The following NUP214 variants were observed in gnomAD, a reference collection of about 807,000 sequenced individuals.
NUP214 encodes the protein nuclear pore complex protein Nup214.
Under a neutral mutation model 196.2 loss-of-function variants are expected in NUP214, and 79 were observed. The observed-to-expected ratio is 0.40, with a 90% CI of 0.34 to 0.49. The LOEUF is 0.49. Among genes scored for constraint, NUP214 ranks in the 20% least tolerant of loss-of-function variants. NUP214 has a pLI of 0.58. For synonymous variants in NUP214, 1,020 were observed against 990.5 expected, an observed-to-expected ratio of 1.03 and a Z score of -0.56; for missense variants, 2,468 against 2,539.0, an observed-to-expected ratio of 0.97 and a Z score of 0.60.
At chr9:131,162,114 C>T (rs922994331) in intron 18 of NUP214, among the ~76,000 whole-genome samples, 3 of 152,130 alleles carry the variant, frequency 2.0e-5, no homozygotes, top group South Asian at 2.1e-4. Flanking sequence ...ATTAGACACC[C>T]CTGCTGTACA....
intron 1 of NUP214, 76 bp from the exon 2 acceptor site, chr9:131,127,448 A>T: frequency 8.5e-7 from 1 of 1,171,356 alleles, no homozygotes; most frequent in Non-Finnish European, 1.2e-6. Flanking sequence ...GTTGTACTGA[A>T]ATTGGGTCTA....
intron 31 of NUP214, among the ~76,000 whole-genome samples, chr9:131,220,703 T>C (rs1371272903): frequency 6.6e-6 from 1 of 152,208 alleles, no homozygotes; most frequent in Non-Finnish European, 1.5e-5. Context: ...GTTCTGTGTG[T>C]GGGGAAACTG....
At position 131,197,805 on chromosome 9, in the gene NUP214, T is replaced by A. The variant is rs1833834312; in HGVS notation, c.4311T>A (p.Thr1437=). 4 of 1,613,866 alleles carry A rather than the reference T, an allele frequency of 2.5e-6. No individual in the cohort carries two copies. Among genetic ancestry groups the A allele is most frequent in the South Asian group, 1.1e-5 (1 of 91,084 alleles). ...FGGTSLSAGK[T]SFSFGSQQTN... ...GGACATCTCTAAGTGCTGGCAAGAC[T>A]AGTTTTTCATTTGGAAGCCAACAGA... The change falls in exon 29 of 36, where the codon ACT becomes ACA. Residue 1437 remains threonine, a synonymous_variant. Coordinates refer to ENST00000359428, the MANE Select transcript of NUP214 (RefSeq NM_005085.4).
At chr9:131,195,433 G>T (rs1037779552) in intron 28 of NUP214, 139 bp downstream of exon 28, 1 of 625,300 alleles carries the variant, frequency 1.6e-6, no homozygotes, top group Non-Finnish European at 2.9e-6. Flanking sequence ...TTGATAATGT[G>T]CATTAGAAAT....
intron 26 of NUP214, chr9:131,190,260 A>G: frequency 2.0e-6 from 1 of 489,316 alleles, no homozygotes; most frequent in Non-Finnish European, 3.6e-6. Flanking sequence ...AGTATTTTAC[A>G]AAAAGGTTTT....
At chr9:131,143,075 T>C (rs986028964) in intron 11 of NUP214, among the ~76,000 whole-genome samples, 1 of 152,176 alleles carries the variant, frequency 6.6e-6, no homozygotes, top group Non-Finnish European at 1.5e-5. Flanking sequence ...GGCAGGATCT[T>C]GGCTCACTGC....
In NUP214 at chr9:131,223,210, A is replaced by C. The variant is rs1007025795; in HGVS notation, c.5902+280A>C. Among the ~76,000 whole-genome samples the C allele has an allele frequency of 3.3e-5, 5 of 151,426 alleles. No individual in the cohort carries two copies. In the South Asian group the frequency reaches 1.0e-3, roughly 32 times the overall value. On this transcript the variant is annotated intron_variant, in intron 32 of 35. Coordinates refer to ENST00000359428, the MANE Select transcript of NUP214 (RefSeq NM_005085.4). ...TGAGAGGGAGTCTCAATCTGTCGCCAGGCTGGAGTGCAATGGTGCGATCTC... is the reference window on the plus strand; with the variant it reads ...TGAGAGGGAGTCTCAATCTGTCGCCCGGCTGGAGTGCAATGGTGCGATCTC...
intron 32 of NUP214, among the ~76,000 whole-genome samples, chr9:131,225,574 A>G (rs1245235119): frequency 6.6e-6 from 1 of 152,256 alleles, no homozygotes; most frequent in African/African-American, 2.4e-5. Flanking sequence ...ACATAAGATG[A>G]GTGAACTAGT....
At chr9:131,229,380 AC>A (rs1025502208) in intron 33 of NUP214, 1 of 190,646 alleles carries the variant, frequency 5.2e-6, no homozygotes, top group African/African-American at 2.4e-5. Context: ...ACAGTTAGAG[AC>A]CCACTTAGGC....
At chr9:131,195,177 G>A (rs1833738527) in intron 27 of NUP214, 56 bp from the exon 28 acceptor site, 2 of 1,202,264 alleles carry the variant, frequency 1.7e-6, no homozygotes, top group East Asian at 2.3e-5. Context: ...AATATTAAGA[G>A]GGCAATATTG....
intron 27 of NUP214, among the ~76,000 whole-genome samples, chr9:131,195,014 A>G (rs1833734521): frequency 6.6e-6 from 1 of 152,208 alleles, no homozygotes; most frequent in Non-Finnish European, 1.5e-5. Context: ...CTCAACTGCT[A>G]TCCCTGTCGT....
rs759385463 is a variant in NUP214, at chr9:131,197,270, G to A, written c.3776G>A (p.Gly1259Glu). 1 of 1,614,112 alleles carries A rather than the reference G, an allele frequency of 6.2e-7. No homozygotes were observed. The highest frequency in any genetic ancestry group is 8.5e-7 in the Non-Finnish European group (1 of 1,180,010). Residue 1259 changes from glycine (G) to glutamate (E), a missense_variant, in exon 29 of 36, where the codon GGG becomes GAG. Physicochemically the swap from Gly to Glu is moderately conservative, Grantham distance 98 (BLOSUM62 -2). This residue lies in a region of NUP214 where 1,801 missense variants were observed against 1,779.4 expected (regional missense o/e 1.01). Coordinates refer to ENST00000359428, the MANE Select transcript of NUP214 (RefSeq NM_005085.4). The stretch of plus-strand genomic sequence containing the variant: ...CAGCCGGACGCATTCTCATCTGGTG[G>A]GGGAAGCAAACCTTCTTATGAGGCC... Reference protein sequence around the residue: ...SSQPDAFSSGGGSKPSYEAIP... With the variant: ...SSQPDAFSSGEGSKPSYEAIP...
At chr9:131,151,951 T>C in intron 17 of NUP214, 57 bp downstream of exon 17, 1 of 1,380,350 alleles carries the variant, frequency 7.2e-7, no homozygotes, top group African/African-American at 1.5e-5. Flanking sequence ...ATGTAACAAT[T>C]GCTACCTCTT....
At chr9:131,157,297 A>C (rs191852312) in intron 17 of NUP214, among the ~76,000 whole-genome samples, 2 of 151,770 alleles carry the variant, frequency 1.3e-5, no homozygotes, top group Admixed American at 6.6e-5. Flanking sequence ...AGTAGCTAGG[A>C]CTACAGGCAC....
intron 24 of NUP214, among the ~76,000 whole-genome samples, chr9:131,179,056 G>A (rs1189455711): frequency 6.6e-6 from 1 of 152,092 alleles, no homozygotes; most frequent in African/African-American, 2.4e-5. Flanking sequence ...GCAGAGTGCA[G>A]TACGATCATG....
At chr9:131,138,508 A>G (rs188678026) in intron 9 of NUP214, among the ~76,000 whole-genome samples, 1 of 152,310 alleles carries the variant, frequency 6.6e-6, no homozygotes, top group East Asian at 1.9e-4. Context: ...ATGAACCACT[A>G]CATCCAGCCT....
intron 22 of NUP214, 129 bp downstream of exon 22, chr9:131,174,447 C>CTTTTTTTTTTTTTTTTTTTTTTTT (rs1299530269): frequency 3.1e-6 from 1 of 327,104 alleles, no homozygotes; most frequent in Non-Finnish European, 5.0e-6. Context: ...TTTTTTTTTT[C>CTTTTTTTTTTTTTTTTTTTTTTTT]TTTTTTTCTT....
Position 131,153,718 on chromosome 9 carries a change from G to A in NUP214, c.2436+1824G>A, listed in dbSNP as rs1442020062. 3.3e-5 allele frequency among the ~76,000 whole-genome samples: 5 copies of A among 152,186 alleles called. No homozygotes were observed. The East Asian group carries it at 9.6e-4, about 29-fold the overall frequency. ...GACAATGCACAGATGATGAAACCAA[G>A]ATAACTGAAACTGCCCAGGTTTTAC... On this transcript the variant is annotated intron_variant, in intron 17 of 35. Coordinates refer to ENST00000359428, the MANE Select transcript of NUP214 (RefSeq NM_005085.4).
intron 30 of NUP214, among the ~76,000 whole-genome samples, chr9:131,210,416 T>G (rs1181508066): frequency 2.0e-5 from 3 of 151,934 alleles, no homozygotes; most frequent in Non-Finnish European, 4.4e-5. Flanking sequence ...GATCACGAGG[T>G]CAGGAGTTCA....
Sources: gnomAD v4.1 joint callset for allele counts (sites outside exome capture counted in the v4.1 genomes callset) on GRCh38, gnomAD v4.1.1 for gene constraint, gnomAD v4.1.1 regional missense constraint, MANE v1.5 for transcripts, NCBI Gene and HGNC (gene_info 2026-07-23, HGNC 2026-07-21) for gene names.